TRPS1: variants seen among roughly 807,000 people sequenced by gnomAD.
TRPS1 encodes the protein transcriptional repressor GATA binding 1.
TRPS1 carries 6 observed loss-of-function variants against 101.2 expected under a neutral mutation model. The ratio of observed to expected loss-of-function variants is 0.06; its 90% CI spans 0.03 to 0.12. TRPS1 has a LOEUF of 0.12. TRPS1 is among the 10% of genes least tolerant of loss of function. The pLI is 1.00. For synonymous variants in TRPS1, 578 were observed against 589.8 expected (o/e 0.98, Z 0.29); for missense variants, 1,363 against 1,567.0 (o/e 0.87, Z 2.20).
At chr8:115,573,944 TA>T (rs1244174167) in intron 5 of TRPS1, among the ~76,000 whole-genome samples, 1 of 152,188 alleles carries the variant, frequency 6.6e-6, no homozygotes, top group Non-Finnish European at 1.5e-5. Context: ...TTGGGACAAC[TA>T]AGTCGGTTTT....
intron 5 of TRPS1, among the ~76,000 whole-genome samples, chr8:115,497,299 C>T (rs1045090504): frequency 6.6e-6 from 1 of 152,154 alleles, no homozygotes; most frequent in African/African-American, 2.4e-5. Context: ...CCTTTTCATG[C>T]GAAGTTCACA....
intron 1 of TRPS1, among the ~76,000 whole-genome samples, chr8:115,654,190 G>T (rs150325866): frequency 1 from 152,310 of 152,310 alleles, 76,155 homozygotes; most frequent in Non-Finnish European, 1. Context: ...AAACATAAAT[G>T]GCATCCATAT....
intron 5 of TRPS1, among the ~76,000 whole-genome samples, chr8:115,448,781 A>G (rs977712917): frequency 1.3e-5 from 2 of 152,224 alleles, no homozygotes; most frequent in African/African-American, 2.4e-5. Flanking sequence ...TTAAACAACT[A>G]TAACAAAACT....
intron 1 of TRPS1, among the ~76,000 whole-genome samples, chr8:115,649,632 A>G (rs1811514229): frequency 6.6e-6 from 1 of 152,154 alleles, no homozygotes; most frequent in Non-Finnish European, 1.5e-5. Context: ...TAGCTCACCT[A>G]TGGCCTGAGG....
intron 5 of TRPS1, among the ~76,000 whole-genome samples, chr8:115,505,772 G>T (rs1446263082): frequency 6.6e-6 from 1 of 152,070 alleles, no homozygotes; most frequent in Non-Finnish European, 1.5e-5. Context: ...ACCAAGTCAG[G>T]TCTTAAGACT....
chr8:115,646,570 A>C (rs940622044), intron 1 of TRPS1, among the ~76,000 whole-genome samples: 1 of 152,196 alleles, frequency 6.6e-6, no homozygotes, highest in Non-Finnish European at 1.5e-5. Flanking sequence ...CAACTGAAGT[A>C]ATAAGTATGC....
At chr8:115,661,283 G>A (rs924219065) in intron 1 of TRPS1, among the ~76,000 whole-genome samples, 6 of 151,974 alleles carry the variant, frequency 3.9e-5, no homozygotes, top group Non-Finnish European at 7.4e-5. Flanking sequence ...ACTTCATAAT[G>A]TAGGTCATGT....
chr8:115,601,441 G>A (rs1388392428), intron 4 of TRPS1, among the ~76,000 whole-genome samples: 6 of 151,986 alleles, frequency 3.9e-5, no homozygotes, highest in South Asian at 4.1e-4. Flanking sequence ...GCTTTCAGTC[G>A]AGTTTCTTTA....
chr8:115,550,259 T>C (rs1005828168), intron 5 of TRPS1, among the ~76,000 whole-genome samples: 5 of 152,080 alleles, frequency 3.3e-5, no homozygotes, highest in African/African-American at 4.8e-5. Context: ...GTGGGGCTTT[T>C]AAAGGAAAGT....
At chr8:115,586,563 G>C (rs1040261871) in intron 5 of TRPS1, among the ~76,000 whole-genome samples, 1 of 152,136 alleles carries the variant, frequency 6.6e-6, no homozygotes, top group Non-Finnish European at 1.5e-5. Context: ...ATCTCATCAA[G>C]GACATTACAT....
At position 115,418,944 on chromosome 8, in the gene TRPS1, G is replaced by A. The variant is rs562780596; in HGVS notation, c.2701-492C>T. The stretch of plus-strand genomic sequence containing the variant: ...GTCATTCATGTAACGTAAGTATTAC[G>A]AGAATATAAGACACTCAATTCTGGT... On this transcript the variant is annotated intron_variant, in intron 5 of 6. Coordinates refer to ENST00000395715, the MANE Select transcript of TRPS1 (RefSeq NM_014112.5). The surrounding 1 kb of genome is among the most constrained non-coding windows in gnomAD (Gnocchi z 4.3). Among the ~76,000 whole-genome samples the A allele has an allele frequency of 6.6e-6, 1 of 152,108 alleles. No individual in the cohort carries two copies. The highest frequency in any genetic ancestry group is 1.5e-5 in the Non-Finnish European group (1 of 68,016).
rs747832442 is a variant in TRPS1 at position 115,587,157 on chromosome 8, G to C, written c.2544C>G (p.Ala848=). 3 of 1,614,048 alleles carry C rather than the reference G, an allele frequency of 1.9e-6. No individual in the cohort carries two copies. Among genetic ancestry groups the C allele is most frequent in the Non-Finnish European group, 2.5e-6 (3 of 1,180,022 alleles). The change falls in exon 5 of 7, where the codon GCC becomes GCG. Residue 848 remains alanine (A), a synonymous_variant. Transcript: ENST00000395715. ...KTLRDSPNVE[A]AHLARPIYGL... ...CATAAATAGGTCGCGCCAGATGGGC[G>C]GCCTCCACATTGGGACTATCCCTTA... is the stretch of plus-strand genomic sequence containing the variant.
In TRPS1 at chr8:115,451,843, T is replaced by A. The variant is rs2129930196; in HGVS notation, c.2701-33391A>T. Among the ~76,000 whole-genome samples the A allele has an allele frequency of 1.3e-5, 2 of 152,224 alleles. 1 individual carries two copies. Among genetic ancestry groups the A allele is most frequent in the South Asian group, 4.1e-4 (2 of 4,820 alleles). On this transcript the variant is annotated intron_variant, in intron 5 of 6. Transcript: ENST00000395715. The stretch of plus-strand genomic sequence containing the variant: ...AAGAGAAAGAACGTGCTCAGAAGTG[T>A]TGAAAGAAAGGCCCATTCTCTGCCC...
At chr8:115,516,340 T>C (rs1045225693) in intron 5 of TRPS1, among the ~76,000 whole-genome samples, 2 of 151,554 alleles carry the variant, frequency 1.3e-5, no homozygotes, top group African/African-American at 4.8e-5. Context: ...TATATTGTTA[T>C]ATATTCTTCT....
At chr8:115,665,779 A>C (rs776879851) in intron 1 of TRPS1, among the ~76,000 whole-genome samples, 14 of 152,204 alleles carry the variant, frequency 9.2e-5, no homozygotes, top group Admixed American at 2.6e-4. Context: ...ACAAAACCTA[A>C]ATAGTAGCAC....
At chr8:115,428,850 T>C (rs1456510844) in intron 5 of TRPS1, among the ~76,000 whole-genome samples, 3 of 152,180 alleles carry the variant, frequency 2.0e-5, no homozygotes, top group Non-Finnish European at 4.4e-5. Flanking sequence ...GGTAAAATCA[T>C]AGGTATTTAC....
chr8:115,564,921 T>C (rs550839368), intron 5 of TRPS1, among the ~76,000 whole-genome samples: 10 of 152,266 alleles, frequency 6.6e-5, no homozygotes, highest in African/African-American at 1.9e-4. Flanking sequence ...TAATGGTACA[T>C]ACACTTGAAA....
intron 3 of TRPS1, among the ~76,000 whole-genome samples, chr8:115,607,047 G>C (rs1162615921): frequency 1.3e-5 from 2 of 151,956 alleles, no homozygotes; most frequent in African/African-American, 2.4e-5. Flanking sequence ...ACTTCTGCTT[G>C]TTGACCCAAG....
intron 5 of TRPS1, among the ~76,000 whole-genome samples, chr8:115,454,666 T>C (rs1054894617): frequency 9.9e-5 from 15 of 152,198 alleles, no homozygotes; most frequent in Non-Finnish European, 2.2e-4. Context: ...AATTTTATTA[T>C]GTCATTTTCA....
Sources: gnomAD v4.1 joint callset for allele counts (sites outside exome capture counted in the v4.1 genomes callset) on GRCh38, gnomAD v4.1.1 for gene constraint, Gnocchi (gnomAD v3.1) non-coding constraint, MANE v1.5 for transcripts, NCBI Gene and HGNC (gene_info 2026-07-23, HGNC 2026-07-21) for gene names.